Variants in ARFGEF3 observed in about 807,000 individuals in gnomAD.
ARFGEF3 encodes the protein brefeldin A-inhibited guanine nucleotide-exchange protein 3.
A neutral mutation model predicts 221.7 loss-of-function variants in ARFGEF3; 96 were observed. The ratio of observed to expected loss-of-function variants is 0.43; its 90% CI spans 0.37 to 0.51. ARFGEF3 has a LOEUF of 0.51. ARFGEF3 is among the 20% of genes least tolerant of loss of function. The pLI is 0.00. For missense variants in ARFGEF3, 2,410 were observed against 2,789.9 expected (o/e 0.86, Z 3.07); for synonymous variants, 1,145 against 1,126.8 (o/e 1.02, Z -0.32).
intron 4 of ARFGEF3, among the ~76,000 whole-genome samples, chr6:138,225,093 G>A (rs1021335501): frequency 2.6e-5 from 4 of 152,054 alleles, no homozygotes; most frequent in South Asian, 2.1e-4. Context: ...TTCCAAATGC[G>A]CAACAGTCAA....
At chr6:138,163,740 T>C (rs371525937) in intron 1 of ARFGEF3, among the ~76,000 whole-genome samples, 2 of 152,218 alleles carry the variant, frequency 1.3e-5, no homozygotes, top group African/African-American at 2.4e-5. Flanking sequence ...GAGTCAAATC[T>C]GAAAGAAACC....
At chr6:138,335,282 T>C in intron 33 of ARFGEF3, 94 bp downstream of exon 33, 2 of 1,301,540 alleles carry the variant, frequency 1.5e-6, no homozygotes, top group Non-Finnish European at 2.0e-6. Context: ...CAGGCTAAGA[T>C]TTATAGAAAC....
chr6:138,321,626 T>G (rs543539361), intron 29 of ARFGEF3, among the ~76,000 whole-genome samples: 60 of 152,348 alleles, frequency 3.9e-4, no homozygotes, highest in Non-Finnish European at 6.2e-4. Context: ...CCTCGTACAC[T>G]GTTGGTGGGA....
intron 18 of ARFGEF3, 73 bp downstream of exon 18, chr6:138,290,041 G>A (rs1779371894): frequency 2.0e-6 from 3 of 1,471,536 alleles, no homozygotes; most frequent in Non-Finnish European, 9.2e-7. Flanking sequence ...TGTGGCAGGT[G>A]GAGAGGGGTG....
chr6:138,213,158 G>T (rs1583014064), intron 4 of ARFGEF3, among the ~76,000 whole-genome samples: 1 of 151,890 alleles, frequency 6.6e-6, no homozygotes, highest in East Asian at 1.9e-4. Flanking sequence ...CATGGTGGCG[G>T]GTGCCTGTGG....
intron 12 of ARFGEF3, among the ~76,000 whole-genome samples, chr6:138,268,780 T>C (rs1003348183): frequency 6.6e-6 from 1 of 152,248 alleles, no homozygotes. Flanking sequence ...GTAGCGGTTT[T>C]CAGTTGCAGT....
chr6:138,208,693 G>T (rs1269902414), intron 3 of ARFGEF3, among the ~76,000 whole-genome samples: 1 of 152,170 alleles, frequency 6.6e-6, no homozygotes, highest in Admixed American at 6.5e-5. Context: ...GGGTGAAATT[G>T]TATGCCTCAT....
At chr6:138,317,433 T>C in intron 27 of ARFGEF3, 54 bp downstream of exon 27, 1 of 1,605,904 alleles carries the variant, frequency 6.2e-7, no homozygotes, top group East Asian at 2.2e-5. Context: ...GTAACTCTTT[T>C]CAAGAGGGTA....
At chr6:138,313,979 G>C in intron 26 of ARFGEF3, 40 bp downstream of exon 26, 1 of 1,598,032 alleles carries the variant, frequency 6.3e-7, no homozygotes, top group Non-Finnish European at 8.6e-7. Flanking sequence ...TATTTGCTGT[G>C]TTCATATTCC....
chr6:138,272,092 G>A (rs956277705), intron 12 of ARFGEF3, among the ~76,000 whole-genome samples: 14 of 152,148 alleles, frequency 9.2e-5, no homozygotes, highest in Admixed American at 6.5e-5. Flanking sequence ...GGGAACCTAC[G>A]CTAAAGGAAC....
chr6:138,189,298 C>T (rs1261294465), intron 2 of ARFGEF3, among the ~76,000 whole-genome samples: 2 of 152,178 alleles, frequency 1.3e-5, no homozygotes, highest in Non-Finnish European at 2.9e-5. Context: ...AATTCAAAAG[C>T]CTAGGAAACA....
chr6:138,290,168 G>A (rs544184345), intron 18 of ARFGEF3, among the ~76,000 whole-genome samples, 200 bp downstream of exon 18: 12 of 152,314 alleles, frequency 7.9e-5, no homozygotes, highest in African/African-American at 2.4e-4. Flanking sequence ...TGTATGTTTT[G>A]AAGAACAGGG....
At chr6:138,166,696 G>T (rs1299818245) in intron 1 of ARFGEF3, among the ~76,000 whole-genome samples, 1 of 152,164 alleles carries the variant, frequency 6.6e-6, no homozygotes, top group Non-Finnish European at 1.5e-5. Flanking sequence ...GGATGAAATA[G>T]AATTGCAGAA....
chr6:138,258,105 A>C (rs1778719768), intron 10 of ARFGEF3, among the ~76,000 whole-genome samples: 1 of 151,056 alleles, frequency 6.6e-6, no homozygotes, highest in Non-Finnish European at 1.5e-5. Flanking sequence ...CTCTTCATTG[A>C]CTCTCCCATC....
At chr6:138,303,301 A>G (rs1481412578) in intron 22 of ARFGEF3, among the ~76,000 whole-genome samples, 1 of 152,240 alleles carries the variant, frequency 6.6e-6, no homozygotes, top group African/African-American at 2.4e-5. Flanking sequence ...TTAACATAAA[A>G]GAAGGTAGTA....
intron 24 of ARFGEF3, 46 bp downstream of exon 24, chr6:138,308,907 T>A: frequency 6.2e-7 from 1 of 1,611,730 alleles, no homozygotes; most frequent in South Asian, 1.1e-5. Flanking sequence ...TGAGGACCCT[T>A]TCCAGGGTGG....
At chr6:138,281,023 G>T (rs1779187719) in intron 14 of ARFGEF3, among the ~76,000 whole-genome samples, 1 of 152,106 alleles carries the variant, frequency 6.6e-6, no homozygotes, top group Admixed American at 6.5e-5. Context: ...ACATTGCAAT[G>T]GGAATATGCC....
chr6:138,272,622 T>C (rs1644044386), intron 12 of ARFGEF3, among the ~76,000 whole-genome samples: 1 of 152,242 alleles, frequency 6.6e-6, no homozygotes, highest in South Asian at 2.1e-4. Flanking sequence ...TTTCCAAATC[T>C]CTAAAAGAAT....
Position 138,342,585 on chromosome 6 carries a change from A to G in ARFGEF3, c.*6099A>G, listed in dbSNP as rs1038924247. 6.6e-6 allele frequency: 1 copy of G among 152,210 alleles called. No individual in the cohort carries two copies. Among genetic ancestry groups the G allele is most frequent in the Non-Finnish European group, 1.5e-5 (1 of 68,030 alleles). The allele number at this position is 152,210 out of a possible 1,614,324, so 9.4% of individuals were successfully genotyped here. A position where few individuals can be genotyped will look rare whatever the true frequency, so the allele number is the denominator to read the frequency against. On this transcript the variant is annotated 3_prime_UTR_variant, in exon 34 of 34. Coordinates refer to ENST00000251691, the MANE Select transcript of ARFGEF3 (RefSeq NM_020340.5). ...ATTGATTCTATGGATGATCATTTGT[A>G]TCATGTTGACCCTTTGACTTGTACT...
Sources: gnomAD v4.1 joint callset for allele counts (sites outside exome capture counted in the v4.1 genomes callset) on GRCh38, gnomAD v4.1.1 for gene constraint, MANE v1.5 for transcripts, NCBI Gene and HGNC (gene_info 2026-07-23, HGNC 2026-07-21) for gene names.